Variants in UNC79 observed in about 807,000 individuals in gnomAD.
UNC79 encodes the protein protein unc-79 homolog.
UNC79 carries 37 observed loss-of-function variants against 283.1 expected under a neutral mutation model. That is an observed-to-expected ratio of 0.13 (90% confidence interval 0.10 to 0.17). UNC79 has a LOEUF of 0.17. Ranked by LOEUF, UNC79 falls within the 10% of genes least tolerant of loss-of-function variation. The pLI is 1.00. For missense variants in UNC79, 2,272 were observed against 3,211.1 expected (o/e 0.71, Z 7.07); for synonymous variants, 1,107 against 1,200.2 (o/e 0.92, Z 1.61).
chr14:93,353,709 T>C (rs925403370), intron 1 of UNC79, among the ~76,000 whole-genome samples: 8 of 152,230 alleles, frequency 5.3e-5, no homozygotes, highest in African/African-American at 1.4e-4. Context: ...TCAAACTTGC[T>C]CTTCTTCCTG....
intron 45 of UNC79, chr14:93,691,414 T>C (rs1224173533): frequency 2.4e-6 from 1 of 414,526 alleles, no homozygotes; most frequent in Non-Finnish European, 4.4e-6. Context: ...GGAAACATCC[T>C]AACATGGCAG....
chr14:93,590,522 G>A lies in UNC79; in HGVS notation c.3033-3158G>A, dbSNP rs2064585276. Among the ~76,000 whole-genome samples, 5 of 152,278 alleles carry A rather than the reference G, an allele frequency of 3.3e-5. No homozygotes were observed. In the South Asian group the frequency reaches 1.0e-3, roughly 32 times the overall value. On this transcript the variant is annotated intron_variant, in intron 22 of 48. Coordinates refer to ENST00000555664, the Ensembl canonical transcript of UNC79. The stretch of plus-strand genomic sequence containing the variant: ...AATTCAACATGGGAATACGAGATGG[G>A]CATTATTTTTTATTGTGAAAGCAAC...
intron 1 of UNC79, among the ~76,000 whole-genome samples, chr14:93,390,499 A>C (rs987160866): frequency 1.3e-5 from 2 of 152,224 alleles, no homozygotes; most frequent in African/African-American, 4.8e-5. Flanking sequence ...AGAGAAATAC[A>C]AATTGGAAAT....
chr14:93,348,885 C>T (rs1047519323), intron 1 of UNC79, among the ~76,000 whole-genome samples: 1 of 152,212 alleles, frequency 6.6e-6, no homozygotes, highest in Non-Finnish European at 1.5e-5. Context: ...TACCTCTCAA[C>T]ATAGTACCTG....
intron 7 of UNC79, among the ~76,000 whole-genome samples, chr14:93,504,959 G>A (rs755036776): frequency 2.6e-5 from 4 of 151,944 alleles, no homozygotes; most frequent in Admixed American, 6.6e-5. Context: ...GGGTCATTTA[G>A]AAGGAGATTT....
At chr14:93,547,668 T>C (rs2061669439) in intron 14 of UNC79, among the ~76,000 whole-genome samples, 2 of 152,158 alleles carry the variant, frequency 1.3e-5, no homozygotes, top group Admixed American at 1.3e-4. Context: ...CTTGGTTCTC[T>C]TAAATAGTCT....
At chr14:93,536,832 T>G (rs1455209714) in intron 11 of UNC79, among the ~76,000 whole-genome samples, 1 of 130,190 alleles carries the variant, frequency 7.7e-6, no homozygotes, top group Non-Finnish European at 1.6e-5. Context: ...TGGTGTACCA[T>G]ATTAAATTCT....
rs186628760 is a variant in UNC79, at chr14:93,658,554, C to T, written c.6457-639C>T. 2.2e-3 allele frequency among the ~76,000 whole-genome samples: 328 copies of T among 152,262 alleles called. 3 individuals are homozygous for T. Among genetic ancestry groups the T allele is most frequent in the African/African-American group, 7.6e-3 (314 of 41,556 alleles). ...AACGTTTACCCCCAGTCCTAGTAAACTCAATTTAAAAAGTACATTTTGATG... is the reference window on the plus strand; with the variant it reads ...AACGTTTACCCCCAGTCCTAGTAAATTCAATTTAAAAAGTACATTTTGATG... On this transcript the variant is annotated intron_variant, in intron 38 of 48. Coordinates refer to ENST00000555664, the Ensembl canonical transcript of UNC79.
At chr14:93,340,704 TAGGCC>T (rs2053689768) in intron 1 of UNC79, among the ~76,000 whole-genome samples, 1 of 151,970 alleles carries the variant, frequency 6.6e-6, no homozygotes, top group Admixed American at 6.5e-5. Context: ...CCTGAGTAGC[TAGGCC>T]TACAGATGTG....
chr14:93,681,650 A>G (rs984465098), intron 41 of UNC79, among the ~76,000 whole-genome samples: 1 of 152,088 alleles, frequency 6.6e-6, no homozygotes, highest in Non-Finnish European at 1.5e-5. Context: ...AAACTTCTGA[A>G]CTCTGCACAG....
chr14:93,434,246 A>C (rs1566932838), intron 1 of UNC79, among the ~76,000 whole-genome samples: 1 of 152,082 alleles, frequency 6.6e-6, no homozygotes, highest in Non-Finnish European at 1.5e-5. Flanking sequence ...GAAAAAAAAG[A>C]AGCAGCAGCA....
intron 2 of UNC79, among the ~76,000 whole-genome samples, chr14:93,471,988 C>T (rs539918535): frequency 2.0e-5 from 3 of 152,152 alleles, no homozygotes; most frequent in Non-Finnish European, 2.9e-5. Context: ...ATTTCCCCCA[C>T]CAAGAAGTTT....
In UNC79 at chr14:93,691,865, C is replaced by T. The variant is rs183765786; in HGVS notation, c.7389C>T (p.Ser2463=). The T allele has an allele frequency of 6.8e-6, 11 of 1,614,202 alleles. No individual in the cohort carries two copies. In the African/African-American group the frequency reaches 1.1e-4, roughly 16 times the overall value. Reference sequence around the variant, plus strand: ...ATCTCCAAAATCAGAATGAATTCAGCTTCACGGCGATACTGACAGCACTAG... The same window carrying T: ...ATCTCCAAAATCAGAATGAATTCAGTTTCACGGCGATACTGACAGCACTAG... Residue 2463 remains serine (S), a synonymous_variant, in exon 46 of 49, where the codon AGC becomes AGT. Transcript: ENST00000555664.
chr14:93,582,116 G>A (rs886911797), intron 19 of UNC79, 87 bp from the exon 20 acceptor site: 3 of 1,601,538 alleles, frequency 1.9e-6, no homozygotes, highest in African/African-American at 1.3e-5. Context: ...CACAGCAGGT[G>A]TGCAGTCCAG....
intron 37 of UNC79, among the ~76,000 whole-genome samples, 166 bp from the exon 41 acceptor site, chr14:93,655,068 G>A (rs578167505): frequency 1.6e-4 from 24 of 152,124 alleles, no homozygotes; most frequent in Non-Finnish European, 3.1e-4. Flanking sequence ...TTGTCTGAAC[G>A]ATTTTCTCGT....
intron 47 of UNC79, among the ~76,000 whole-genome samples, chr14:93,703,015 T>C (rs937923647): frequency 6.6e-6 from 1 of 152,250 alleles, no homozygotes; most frequent in African/African-American, 2.4e-5. Flanking sequence ...TGGAATAAAA[T>C]TCAGATCCCC....
At chr14:93,355,342 G>A (rs2054064907) in intron 1 of UNC79, among the ~76,000 whole-genome samples, 1 of 152,160 alleles carries the variant, frequency 6.6e-6, no homozygotes, top group Non-Finnish European at 1.5e-5. Context: ...GGGATTATAG[G>A]TGCCTGCCAC....
intron 1 of UNC79, among the ~76,000 whole-genome samples, chr14:93,388,262 C>T (rs1391218190): frequency 6.6e-6 from 1 of 152,104 alleles, no homozygotes; most frequent in African/African-American, 2.4e-5. Flanking sequence ...CAGGCACATA[C>T]CACCACACCC....
At chr14:93,614,533 G>A (rs2066551260) in intron 27 of UNC79, among the ~76,000 whole-genome samples, 1 of 151,680 alleles carries the variant, frequency 6.6e-6, no homozygotes, top group Admixed American at 6.6e-5. Flanking sequence ...TGGTCAGGCT[G>A]GTCTTGAGCT....
Sources: gnomAD v4.1 joint callset for allele counts (sites outside exome capture counted in the v4.1 genomes callset) on GRCh38, gnomAD v4.1.1 for gene constraint, MANE v1.5 for transcripts, NCBI Gene and HGNC (gene_info 2026-07-23, HGNC 2026-07-21) for gene names.